The following NCAM1 variants were observed in gnomAD, a reference collection of about 807,000 sequenced individuals.
The protein encoded by NCAM1 is neural cell adhesion molecule 1.
Under a neutral mutation model 109.8 loss-of-function variants are expected in NCAM1, and 14 were observed. That is an observed-to-expected ratio of 0.13 (90% confidence interval 0.08 to 0.20). The LOEUF (loss-of-function observed/expected upper bound fraction) is 0.20, where lower values mean the gene tolerates loss of function less well. NCAM1 is among the 10% of genes least tolerant of loss of function. The probability of loss-of-function intolerance (pLI) is 1.00; values close to 1 mark genes in which losing one functional copy is unlikely to be tolerated. For missense variants in NCAM1, 774 were observed against 1,109.9 expected, an observed-to-expected ratio of 0.70 and a Z score of 4.30; for synonymous variants, 418 against 442.9, an observed-to-expected ratio of 0.94 and a Z score of 0.70.
intron 1 of NCAM1, among the ~76,000 whole-genome samples, chr11:113,021,756 A>G (rs1414707501): frequency 6.6e-6 from 1 of 152,238 alleles, no homozygotes; most frequent in Non-Finnish European, 1.5e-5. Context: ...TTATAGTATT[A>G]CAAGAAATTT....
At chr11:113,133,895 T>A (rs1941501473) in intron 1 of NCAM1, 1 of 152,162 alleles carries the variant, frequency 6.6e-6, no homozygotes, top group South Asian at 2.1e-4. Flanking sequence ...CCATTTAGGT[T>A]CTTTGCCAAA....
At chr11:113,034,510 A>C (rs1487661710) in intron 1 of NCAM1, among the ~76,000 whole-genome samples, 1 of 152,178 alleles carries the variant, frequency 6.6e-6, no homozygotes, top group Non-Finnish European at 1.5e-5. Flanking sequence ...TCATCTGTAC[A>C]TATGAATTGC....
At chr11:113,065,588 C>T (rs1245480048) in intron 1 of NCAM1, among the ~76,000 whole-genome samples, 1 of 152,100 alleles carries the variant, frequency 6.6e-6, no homozygotes, top group African/African-American at 2.4e-5. Flanking sequence ...TGCCATAATC[C>T]CAGTCTAATT....
chr11:113,045,303 A>T (rs1268470036), intron 1 of NCAM1, among the ~76,000 whole-genome samples: 2 of 151,982 alleles, frequency 1.3e-5, no homozygotes, highest in Non-Finnish European at 2.9e-5. Context: ...GAGAGAGAGG[A>T]TGGCCGTTTT....
intron 8 of NCAM1, among the ~76,000 whole-genome samples, chr11:113,216,554 T>A (rs1055911617): frequency 5.3e-5 from 8 of 152,360 alleles, no homozygotes; most frequent in African/African-American, 1.9e-4. Flanking sequence ...TCAAGCCTAG[T>A]AGTGACTACT....
intron 1 of NCAM1, chr11:113,197,307 A>C (rs1471428845): frequency 6.1e-6 from 1 of 164,154 alleles, no homozygotes; most frequent in Non-Finnish European, 1.4e-5. Flanking sequence ...TGGATTTCCC[A>C]CAGGTATAGC....
At chr11:113,049,436 G>A (rs910747565) in intron 1 of NCAM1, among the ~76,000 whole-genome samples, 4 of 152,152 alleles carry the variant, frequency 2.6e-5, no homozygotes, top group Non-Finnish European at 2.9e-5. Flanking sequence ...TGTGTCATCA[G>A]CTATCTTGCA....
chr11:113,045,614 G>A (rs1367838649), intron 1 of NCAM1, among the ~76,000 whole-genome samples: 1 of 152,158 alleles, frequency 6.6e-6, no homozygotes, highest in African/African-American at 2.4e-5. Flanking sequence ...GTTCTTAAAT[G>A]CCATTATGCA....
chr11:113,018,241 G>A (rs1330888823), intron 1 of NCAM1, among the ~76,000 whole-genome samples: 1 of 151,130 alleles, frequency 6.6e-6, no homozygotes, highest in Non-Finnish European at 1.5e-5. Flanking sequence ...CAAGTATACA[G>A]TCCTGTACTG....
At position 113,275,356 on chromosome 11, in the gene NCAM1, CACAG is replaced by C. The variant is rs2137821489; in HGVS notation, c.2550_2553del (p.Thr851ArgfsTer10). The C allele has an allele frequency of 6.2e-7, 1 of 1,613,410 alleles. No individual in the cohort carries two copies. The highest frequency in any genetic ancestry group is 1.3e-5 in the African/African-American group (1 of 74,992). On this transcript the variant is annotated frameshift_variant, in exon 20 of 20. Coordinates refer to ENST00000316851, the MANE Select transcript of NCAM1 (RefSeq NM_181351.5). LOFTEE classifies it high-confidence loss of function. ...GTCAAGACGGTCCCCAATGACGCCA[CACAG>C]ACAAAGGAGAACGAGAGCAAAGCAT... is the stretch of plus-strand genomic sequence containing the variant.
intron 1 of NCAM1, among the ~76,000 whole-genome samples, chr11:113,035,886 G>A (rs372123064): frequency 2.0e-4 from 30 of 152,234 alleles, no homozygotes; most frequent in African/African-American, 7.0e-4. Flanking sequence ...ATATGCCTTT[G>A]GCTGGGAGGT....
In NCAM1 at chr11:113,235,134, G is replaced by A. The variant is rs782510892; in HGVS notation, c.1795G>A (p.Ala599Thr). The A allele has an allele frequency of 9.3e-6, 15 of 1,613,260 alleles. No individual in the cohort carries two copies. The highest frequency in any genetic ancestry group is 3.3e-4 in the Middle Eastern group (2 of 6,080). The change falls in exon 14 of 20, where the codon GCG becomes ACG. Residue 599 changes from alanine (A) to threonine (T), a missense_variant. Transcript: ENST00000316851. ...LNGKGLGEISAASEFKTQPVQ... is the reference protein window; with the variant it reads ...LNGKGLGEISTASEFKTQPVQ... Reference sequence around the variant, plus strand: ...TGGCAAAGGGCTGGGTGAGATCAGCGCGGCCTCCGAGTTCAAGACGCAGCC... The same window carrying A: ...TGGCAAAGGGCTGGGTGAGATCAGCACGGCCTCCGAGTTCAAGACGCAGCC...
At chr11:113,127,636 A>T (rs2136092790) in intron 1 of NCAM1, among the ~76,000 whole-genome samples, 1 of 152,336 alleles carries the variant, frequency 6.6e-6, no homozygotes, top group South Asian at 2.1e-4. Context: ...TTAAAAATTG[A>T]TATTAAGAGT....
intron 1 of NCAM1, among the ~76,000 whole-genome samples, chr11:113,142,815 C>T (rs1941877721): frequency 6.6e-6 from 1 of 152,132 alleles, no homozygotes; most frequent in African/African-American, 2.4e-5. Context: ...ACTAACGTAT[C>T]ATTTCAAATG....
intron 1 of NCAM1, among the ~76,000 whole-genome samples, chr11:113,011,010 G>A (rs139481818): frequency 1.3e-5 from 2 of 151,454 alleles, no homozygotes; most frequent in African/African-American, 4.9e-5. Context: ...TGTGCACATT[G>A]TGCAGGTTAG....
intron 1 of NCAM1, among the ~76,000 whole-genome samples, chr11:113,189,369 G>A (rs1363173935): frequency 4.7e-5 from 7 of 148,786 alleles, no homozygotes; most frequent in South Asian, 2.1e-4. Context: ...AGAATCACTT[G>A]AACCCAGGAG....
intron 1 of NCAM1, among the ~76,000 whole-genome samples, chr11:113,115,004 G>A (rs1940632626): frequency 6.6e-6 from 1 of 152,144 alleles, no homozygotes; most frequent in African/African-American, 2.4e-5. Context: ...CAAAAATTCA[G>A]AAAAGACCGT....
intron 7 of NCAM1, among the ~76,000 whole-genome samples, chr11:113,209,796 G>C (rs1944337474): frequency 6.6e-6 from 1 of 152,196 alleles, no homozygotes; most frequent in Non-Finnish European, 1.5e-5. Flanking sequence ...CATTATTATG[G>C]CTGCAAAATA....
At chr11:113,081,355 G>A (rs1182725856) in intron 1 of NCAM1, among the ~76,000 whole-genome samples, 1 of 152,028 alleles carries the variant, frequency 6.6e-6, no homozygotes, top group African/African-American at 2.4e-5. Flanking sequence ...ACGGTTCCCC[G>A]GTGCTTGCCG....
Sources: allele counts gnomAD v4.1 joint callset (sites outside exome capture counted in the v4.1 genomes callset), GRCh38; gene constraint gnomAD v4.1.1; transcripts MANE v1.5; gene names NCBI Gene and HGNC (gene_info 2026-07-23, HGNC 2026-07-21).